FNDC3B: variants seen among roughly 807,000 people sequenced by gnomAD.
The protein encoded by FNDC3B is fibronectin type III domain-containing protein 3B.
FNDC3B carries 12 observed loss-of-function variants against 151.5 expected under a neutral mutation model. The ratio of observed to expected loss-of-function variants is 0.08; its 90% CI spans 0.05 to 0.13. FNDC3B has a LOEUF of 0.13. Ranked by LOEUF, FNDC3B falls within the 10% of genes least tolerant of loss-of-function variation. The pLI, the probability that FNDC3B is intolerant of heterozygous loss-of-function variation, is 1.00. For synonymous variants in FNDC3B, 528 were observed against 549.0 expected (o/e 0.96, Z 0.54); for missense variants, 1,214 against 1,505.3 (o/e 0.81, Z 3.20).
At chr3:172,331,799 T>C (rs1007048010) in intron 13 of FNDC3B, among the ~76,000 whole-genome samples, 4 of 152,200 alleles carry the variant, frequency 2.6e-5, no homozygotes, top group Non-Finnish European at 4.4e-5. Flanking sequence ...TCATATGTCA[T>C]TTCTTTGGGC....
At chr3:172,134,077 A>G (rs1315225264) in intron 3 of FNDC3B, among the ~76,000 whole-genome samples, 2 of 152,178 alleles carry the variant, frequency 1.3e-5, no homozygotes, top group Non-Finnish European at 2.9e-5. Context: ...CCGATGATTC[A>G]TGTTCCTTCC....
chr3:172,330,763 A>G (rs749936704), intron 13 of FNDC3B, 48 bp downstream of exon 13: 48 of 1,448,456 alleles, frequency 3.3e-5, no homozygotes, highest in Non-Finnish European at 4.5e-5. Flanking sequence ...ACGAGTCAGT[A>G]TTATTATAGC....
At chr3:172,080,113 A>G (rs1041407465) in intron 1 of FNDC3B, among the ~76,000 whole-genome samples, 2 of 152,230 alleles carry the variant, frequency 1.3e-5, no homozygotes, top group South Asian at 2.1e-4. Context: ...ATAAAAAAAA[A>G]GGGGTACTAC....
intron 2 of FNDC3B, among the ~76,000 whole-genome samples, chr3:172,116,600 C>T (rs897188018): frequency 6.6e-6 from 1 of 152,062 alleles, no homozygotes; most frequent in East Asian, 1.9e-4. Context: ...GAGTCTCGCT[C>T]TGTTGCCCAG....
chr3:172,208,999 G>A (rs1215244359), intron 3 of FNDC3B, among the ~76,000 whole-genome samples: 1 of 152,032 alleles, frequency 6.6e-6, no homozygotes, highest in Non-Finnish European at 1.5e-5. Flanking sequence ...GAGATGCCAG[G>A]AACCACAGAG....
chr3:172,139,945 G>A (rs767436646), intron 3 of FNDC3B, among the ~76,000 whole-genome samples: 31 of 152,120 alleles, frequency 2.0e-4, no homozygotes, highest in Non-Finnish European at 4.4e-4. Flanking sequence ...ACAGGCATGA[G>A]CCAGTGTGCC....
intron 3 of FNDC3B, among the ~76,000 whole-genome samples, chr3:172,215,085 G>A (rs1277096471): frequency 6.6e-6 from 1 of 152,254 alleles, no homozygotes; most frequent in Non-Finnish European, 1.5e-5. Flanking sequence ...CTTGTGAGGA[G>A]TACAATGACA....
intron 1 of FNDC3B, among the ~76,000 whole-genome samples, chr3:172,067,312 G>A (rs866282442): frequency 6.6e-6 from 1 of 152,168 alleles, no homozygotes. Context: ...TGGCCTGATT[G>A]ATGTGCTTTT....
At chr3:172,338,973 G>A (rs939967364) in intron 16 of FNDC3B, among the ~76,000 whole-genome samples, 3 of 152,120 alleles carry the variant, frequency 2.0e-5, no homozygotes, top group Non-Finnish European at 4.4e-5. Context: ...TCCTGACCTC[G>A]TGATCCACCC....
chr3:172,179,537 TCCCTCCCCCACTGTATC>T lies in FNDC3B; in HGVS notation c.187+46003_187+46019del, dbSNP rs528566589. Among the ~76,000 whole-genome samples, 451 of 151,712 alleles carry T rather than the reference TCCCTCCCCCACTGTATC, an allele frequency of 3.0e-3. 1 individual carries two copies. Among genetic ancestry groups the T allele is most frequent in the Non-Finnish European group, 4.5e-3 (305 of 67,886 alleles). On this transcript the variant is annotated intron_variant, in intron 3 of 25. Transcript: ENST00000415807. ...CTGTCTACAACACACACAAACTTCC[TCCCTCCCCCACTGTATC>T]CCCTCCCCCACCACCTCCGACCTCC...
At chr3:172,204,197 C>A (rs1725311198) in intron 3 of FNDC3B, among the ~76,000 whole-genome samples, 2 of 152,196 alleles carry the variant, frequency 1.3e-5, no homozygotes, top group Admixed American at 6.5e-5. Context: ...AGAAATATTT[C>A]TTTCAGACTT....
rs181725242 is a variant in FNDC3B at position 172,349,719 on chromosome 3, G to A, written c.2514+2358G>A. On this transcript the variant is annotated intron_variant, in intron 21 of 25. Transcript: ENST00000415807. ...CACCCAGGCTGGAGTGCAGTGGCGC[G>A]ATCTTGGCTCACTGCAACCTCCGCT... Among the ~76,000 whole-genome samples, 573 of 152,036 alleles carry A rather than the reference G, an allele frequency of 3.8e-3. 4 individuals carry two copies. The highest frequency in any genetic ancestry group is 0.013 in the African/African-American group (538 of 41,454).
At chr3:172,045,132 G>A (rs545119800) in intron 1 of FNDC3B, among the ~76,000 whole-genome samples, 85 of 152,318 alleles carry the variant, frequency 5.6e-4, no homozygotes, top group Non-Finnish European at 8.5e-4. Context: ...GTTTAAAACT[G>A]AGCTGGTGCT....
intron 4 of FNDC3B, among the ~76,000 whole-genome samples, chr3:172,233,625 C>T (rs1576823327): frequency 6.6e-6 from 1 of 152,308 alleles, no homozygotes; most frequent in East Asian, 1.9e-4. Flanking sequence ...TAGACATTAG[C>T]CTCAACTGCT....
intron 3 of FNDC3B, among the ~76,000 whole-genome samples, chr3:172,197,002 G>A (rs7647932): frequency 0.77 from 116,659 of 151,666 alleles, 45,983 homozygotes; most frequent in Middle Eastern, 0.87. Context: ...CCAACATAGT[G>A]AAACCCTGTC....
intron 3 of FNDC3B, among the ~76,000 whole-genome samples, chr3:172,145,104 A>ATGG: frequency 6.6e-6 from 1 of 152,048 alleles, no homozygotes; most frequent in Non-Finnish European, 1.5e-5. Flanking sequence ...ATTTAAATAT[A>ATGG]ATACCTTTTT....
At chr3:172,116,848 G>T (rs1373761890) in intron 2 of FNDC3B, among the ~76,000 whole-genome samples, 1 of 152,120 alleles carries the variant, frequency 6.6e-6, no homozygotes, top group Non-Finnish European at 1.5e-5. Flanking sequence ...TTACATGTGT[G>T]AGCCACCACG....
intron 2 of FNDC3B, among the ~76,000 whole-genome samples, chr3:172,127,946 C>T (rs1213444091): frequency 6.6e-6 from 1 of 152,210 alleles, no homozygotes; most frequent in African/African-American, 2.4e-5. Flanking sequence ...GCGTGAGCCA[C>T]CACACCCGGC....
chr3:172,269,377 G>C (rs1168800995), intron 6 of FNDC3B, among the ~76,000 whole-genome samples: 1 of 151,774 alleles, frequency 6.6e-6, no homozygotes, highest in African/African-American at 2.4e-5. Flanking sequence ...TCCTACCTCA[G>C]CCTCCTGAAT....
Sources: allele counts gnomAD v4.1 joint callset (sites outside exome capture counted in the v4.1 genomes callset), GRCh38; gene constraint gnomAD v4.1.1; transcripts MANE v1.5; gene names NCBI Gene and HGNC (gene_info 2026-07-23, HGNC 2026-07-21).